SNTB1: variants seen among roughly 807,000 people sequenced by gnomAD.
The protein encoded by SNTB1 is beta-1-syntrophin.
A neutral mutation model predicts 48.9 loss-of-function variants in SNTB1; 36 were observed. The observed-to-expected ratio is 0.74, with a 90% CI of 0.56 to 0.97. The LOEUF is 0.97. Among genes scored for constraint, SNTB1 ranks in the 50% least tolerant of loss-of-function variants. The pLI is 0.00. For missense variants in SNTB1, 786 were observed against 703.4 expected, an observed-to-expected ratio of 1.12 and a Z score of -1.33; for synonymous variants, 299 against 294.6, an observed-to-expected ratio of 1.01 and a Z score of -0.15.
At chr8:120,763,681 T>C (rs1248686125) in intron 1 of SNTB1, among the ~76,000 whole-genome samples, 2 of 152,088 alleles carry the variant, frequency 1.3e-5, no homozygotes, top group African/African-American at 4.8e-5. Context: ...CCTTAAACTA[T>C]AAAGACAACC....
intron 1 of SNTB1, among the ~76,000 whole-genome samples, chr8:120,772,899 G>A (rs1477354432): frequency 2.6e-5 from 4 of 152,130 alleles, no homozygotes; most frequent in Non-Finnish European, 5.9e-5. Context: ...AACCCGACCA[G>A]GTAACACACT....
chr8:120,725,749 G>A (rs377575298), intron 1 of SNTB1, among the ~76,000 whole-genome samples: 3 of 152,098 alleles, frequency 2.0e-5, no homozygotes, highest in Non-Finnish European at 4.4e-5. Flanking sequence ...ATTCCTCATC[G>A]TAACATAGGG....
At chr8:120,547,779 C>A (rs778283818) in intron 5 of SNTB1, among the ~76,000 whole-genome samples, 6 of 152,116 alleles carry the variant, frequency 3.9e-5, no homozygotes, top group Non-Finnish European at 7.4e-5. Context: ...GTGGCCTGTG[C>A]TCACTCAGCA....
chr8:120,544,539 C>T (rs1395057108), intron 5 of SNTB1, among the ~76,000 whole-genome samples: 1 of 152,148 alleles, frequency 6.6e-6, no homozygotes, highest in Non-Finnish European at 1.5e-5. Flanking sequence ...AGAATTATTT[C>T]CTATTCTCCA....
chr8:120,738,172 A>G (rs900373638), intron 1 of SNTB1, among the ~76,000 whole-genome samples: 19 of 152,180 alleles, frequency 1.2e-4, no homozygotes, highest in Non-Finnish European at 2.2e-4. Flanking sequence ...GACACCTTCT[A>G]TGAACCATAA....
At chr8:120,751,130 AGAT>A (rs1250844610) in intron 1 of SNTB1, among the ~76,000 whole-genome samples, 2 of 152,148 alleles carry the variant, frequency 1.3e-5, no homozygotes, top group Admixed American at 1.3e-4. Flanking sequence ...GATGGAGGAG[AGAT>A]GATGAAGTGA....
chr8:120,648,814 T>C (rs1297061394), intron 2 of SNTB1, among the ~76,000 whole-genome samples: 1 of 152,232 alleles, frequency 6.6e-6, no homozygotes, highest in Non-Finnish European at 1.5e-5. Context: ...CAATCAGATG[T>C]AGATTTGGTC....
At chr8:120,624,495 A>G (rs1270613861) in intron 3 of SNTB1, among the ~76,000 whole-genome samples, 1 of 152,288 alleles carries the variant, frequency 6.6e-6, no homozygotes, top group Non-Finnish European at 1.5e-5. Context: ...CACAGCCCCA[A>G]TGACCTAATC....
intron 3 of SNTB1, among the ~76,000 whole-genome samples, chr8:120,576,380 C>T (rs529551179): frequency 1.4e-3 from 220 of 152,314 alleles, no homozygotes; most frequent in Admixed American, 1.7e-3. Context: ...CTTATTATTA[C>T]TTTATCTTAA....
intron 1 of SNTB1, among the ~76,000 whole-genome samples, chr8:120,753,137 G>A (rs573286588): frequency 1.3e-5 from 2 of 152,162 alleles, no homozygotes; most frequent in Admixed American, 6.5e-5. Flanking sequence ...ATCACAGGCA[G>A]TTTGGGCATA....
At chr8:120,554,777 T>G (rs1328305918) in intron 4 of SNTB1, among the ~76,000 whole-genome samples, 1 of 152,166 alleles carries the variant, frequency 6.6e-6, no homozygotes, top group Non-Finnish European at 1.5e-5. Flanking sequence ...AACCTATACC[T>G]GTGGCCTCAT....
chr8:120,584,034 T>G (rs1030952147), intron 3 of SNTB1, among the ~76,000 whole-genome samples: 32 of 152,114 alleles, frequency 2.1e-4, no homozygotes, highest in African/African-American at 7.5e-4. Flanking sequence ...ACTCAGCAGG[T>G]CTGGCGTGGT....
chr8:120,809,860 G>A lies in SNTB1; in HGVS notation c.571+1413C>T, dbSNP rs1820396978. The stretch of plus-strand genomic sequence containing the variant: ...ATCGCAAATCCTCTAGACAAACAAG[G>A]TTGGTGGGGGAGGATTTCTCTGCAT... On this transcript the variant is annotated intron_variant, in intron 1 of 6. Transcript: ENST00000517992. 3.3e-5 allele frequency among the ~76,000 whole-genome samples: 5 copies of A among 152,158 alleles called. No individual in the cohort carries two copies. The South Asian group carries it at 1.0e-3, about 32-fold the overall frequency.
intron 2 of SNTB1, among the ~76,000 whole-genome samples, chr8:120,686,417 GT>G (rs993991680): frequency 6.6e-5 from 10 of 152,286 alleles, no homozygotes; most frequent in Admixed American, 6.5e-5. Context: ...CTCATGGCTG[GT>G]ACCTACTATA....
intron 1 of SNTB1, among the ~76,000 whole-genome samples, chr8:120,722,604 G>A (rs571284408): frequency 5.3e-4 from 81 of 152,150 alleles, no homozygotes; most frequent in Non-Finnish European, 1.0e-3. Context: ...TTTTTTTCTT[G>A]TAAGTTTGTT....
At chr8:120,718,113 C>T (rs1376603036) in intron 1 of SNTB1, among the ~76,000 whole-genome samples, 1 of 152,218 alleles carries the variant, frequency 6.6e-6, no homozygotes, top group Non-Finnish European at 1.5e-5. Flanking sequence ...CCTTCCCCTT[C>T]TGCACCCTGG....
rs960446611 is a variant in SNTB1 at position 120,811,279 on chromosome 8, G to C, written c.565C>G (p.Leu189Val). The change falls in exon 1 of 7, where the codon CTG becomes GTG. Residue 189 changes from leucine to valine, a missense_variant. Transcript: ENST00000517992. ...ALKRAGKEVL[L>V]EVKYMREATP... is the part of the protein sequence containing the mutation. ...CGCGCTGTTAACCCCTTACCTTCCAGCAGCACTTCCTTGCCCGCGCGCTTC... is the reference window on the plus strand; with the variant it reads ...CGCGCTGTTAACCCCTTACCTTCCACCAGCACTTCCTTGCCCGCGCGCTTC... The C allele has an allele frequency of 6.3e-7, 1 of 1,598,162 alleles. No individual in the cohort carries two copies. Among genetic ancestry groups the C allele is most frequent in the Non-Finnish European group, 8.5e-7 (1 of 1,176,978 alleles).
chr8:120,559,683 CTG>C, intron 4 of SNTB1, among the ~76,000 whole-genome samples: 1 of 152,170 alleles, frequency 6.6e-6, no homozygotes, highest in Non-Finnish European at 1.5e-5. Context: ...CCCCAAAAAC[CTG>C]TCTTTCAAGA....
chr8:120,757,636 A>G (rs1819339734), intron 1 of SNTB1, among the ~76,000 whole-genome samples: 1 of 152,186 alleles, frequency 6.6e-6, no homozygotes, highest in African/African-American at 2.4e-5. Context: ...TGTCTCTAGC[A>G]GTTTCTAGTT....
Sources: gnomAD v4.1 joint callset for allele counts (sites outside exome capture counted in the v4.1 genomes callset) on GRCh38, gnomAD v4.1.1 for gene constraint, MANE v1.5 for transcripts, NCBI Gene and HGNC (gene_info 2026-07-23, HGNC 2026-07-21) for gene names.